ZNF644: variants seen among roughly 807,000 people sequenced by gnomAD.
ZNF644 encodes the protein zinc finger protein 644, also known as zinc finger motif enhancer binding protein 2.
Under a neutral mutation model 108.0 loss-of-function variants are expected in ZNF644, and 20 were observed. That is an observed-to-expected ratio of 0.19 (90% CI 0.13 to 0.27). The LOEUF (loss-of-function observed/expected upper bound fraction) is 0.27, where lower values mean the gene tolerates loss of function less well. Ranked by LOEUF, ZNF644 falls within the 10% of genes least tolerant of loss-of-function variation. ZNF644 has a pLI of 1.00. For synonymous variants in ZNF644, 542 were observed against 539.1 expected (o/e 1.01, Z -0.08); for missense variants, 1,338 against 1,548.9 (o/e 0.86, Z 2.29).
Position 90,916,971 on chromosome 1 carries a change from G to T in ZNF644, c.3811C>A (p.Arg1271=). 5 of 1,614,156 alleles carry T rather than the reference G, an allele frequency of 3.1e-6. No homozygotes were observed. Among genetic ancestry groups the T allele is most frequent in the Non-Finnish European group, 4.2e-6 (5 of 1,180,022 alleles). ...TCTTCCTGAACAGACAAGGGTCCTCGAAAGACTAGGCCACAAAACCTACAG... is the reference window on the plus strand; with the variant it reads ...TCTTCCTGAACAGACAAGGGTCCTCTAAAGACTAGGCCACAAAACCTACAG... ...LRCRFCGLVF[R]GPLSVQEDWI... The change falls in exon 6 of 6, where the codon CGA becomes AGA. Residue 1271 remains arginine, a synonymous_variant. Transcript: ENST00000337393.
chr1:90,951,795 T>C lies in ZNF644; in HGVS notation c.45-10486A>G, dbSNP rs969168258. ...AATACTAAGTTTCACAGGCAAAGAT[T>C]TCTATGTACCTTGCTAACTGAATAC... On this transcript the variant is annotated intron_variant, in intron 2 of 5. Coordinates refer to ENST00000337393, the MANE Select transcript of ZNF644 (RefSeq NM_201269.3). 8.5e-5 allele frequency among the ~76,000 whole-genome samples: 13 copies of C among 152,198 alleles called. 1 individual carries two copies. Among genetic ancestry groups the C allele is most frequent in the Non-Finnish European group, 1.6e-4 (11 of 68,036 alleles).
At chr1:91,000,490 C>T (rs1235645879) in intron 1 of ZNF644, among the ~76,000 whole-genome samples, 2 of 152,008 alleles carry the variant, frequency 1.3e-5, no homozygotes, top group African/African-American at 2.4e-5. Context: ...TTGAAACCAA[C>T]GAGAATAAAG....
In ZNF644 at chr1:90,937,833, T is replaced by C. The variant is rs373439922; in HGVS notation, c.3340A>G (p.Ser1114Gly). ...ACATTTTGAGATATAAAGTCATCAC[T>C]TGATGCAAGTTTTTGAGCTACAAAT... ...RPFVAQKLAS[S>G]DDFISQNVIP... Residue 1114 changes from serine (S) to glycine (G), a missense_variant, in exon 4 of 6, where the codon AGT becomes GGT. Coordinates refer to ENST00000337393, the MANE Select transcript of ZNF644 (RefSeq NM_201269.3). The C allele has an allele frequency of 1.1e-5, 18 of 1,613,920 alleles. No homozygotes were observed. The African/African-American group carries it at 1.9e-4, about 17-fold the overall frequency.
chr1:90,965,316 A>G (rs1654746880), intron 2 of ZNF644, among the ~76,000 whole-genome samples: 1 of 152,130 alleles, frequency 6.6e-6, no homozygotes, highest in Non-Finnish European at 1.5e-5. Context: ...GTAGAGAGCC[A>G]TCTTTTTCCT....
At position 90,938,066 on chromosome 1, in the gene ZNF644, G is replaced by C. The variant is rs761593523; in HGVS notation, c.3107C>G (p.Ser1036Cys). ...ACCACAGAGCTGACAAGTGTGTTCA[G>C]AAGTGGTTTCAGACTTCTCTATAGC... ...RKAIEKSETT[S>C]EHTCQLCGGW... The change falls in exon 4 of 6, where the codon TCT (serine) becomes TGT (cysteine). Residue 1036 changes from serine (S) to cysteine (C), a missense_variant. Physicochemically the swap from Ser to Cys is moderately radical, Grantham distance 112. Coordinates refer to ENST00000337393, the MANE Select transcript of ZNF644 (RefSeq NM_201269.3). The surrounding 1 kb of genome is among the most constrained non-coding windows in gnomAD (Gnocchi z 4.2). 2 of 1,610,824 alleles carry C rather than the reference G, an allele frequency of 1.2e-6. No homozygotes were observed. Among genetic ancestry groups the C allele is most frequent in the Non-Finnish European group, 1.7e-6 (2 of 1,179,782 alleles).
At chr1:90,984,585 G>T (rs539953760) in intron 1 of ZNF644, among the ~76,000 whole-genome samples, 2 of 152,260 alleles carry the variant, frequency 1.3e-5, no homozygotes, top group Admixed American at 6.5e-5. Flanking sequence ...TAGAGACAGG[G>T]TTTCACCATA....
intron 2 of ZNF644, among the ~76,000 whole-genome samples, chr1:90,964,958 T>C (rs1040642496): frequency 6.6e-6 from 1 of 152,076 alleles, no homozygotes; most frequent in Non-Finnish European, 1.5e-5. Context: ...AAGACATAAG[T>C]TGCTTTACAA....
intron 4 of ZNF644, among the ~76,000 whole-genome samples, chr1:90,928,603 G>GT (rs1650354032): frequency 6.6e-6 from 1 of 152,042 alleles, no homozygotes; most frequent in African/African-American, 2.4e-5. Flanking sequence ...GATTACAAGT[G>GT]TGAGCCACCA....
chr1:90,967,947 G>A (rs1359692510), intron 2 of ZNF644, among the ~76,000 whole-genome samples: 1 of 149,948 alleles, frequency 6.7e-6, no homozygotes, highest in Non-Finnish European at 1.5e-5. Context: ...TGTAATCCCT[G>A]CTACTCGGGA....
At chr1:91,006,887 A>T (rs915544458) in intron 1 of ZNF644, among the ~76,000 whole-genome samples, 1 of 151,882 alleles carries the variant, frequency 6.6e-6, no homozygotes, top group African/African-American at 2.4e-5. Flanking sequence ...TATTCTAACA[A>T]CCTCATGTTT....
chr1:90,948,945 A>G (rs2101027080), intron 2 of ZNF644, among the ~76,000 whole-genome samples: 1 of 152,332 alleles, frequency 6.6e-6, no homozygotes, highest in East Asian at 1.9e-4. Flanking sequence ...TGTCATTATA[A>G]AAGTTCCATA....
intron 1 of ZNF644, among the ~76,000 whole-genome samples, chr1:91,010,586 C>T (rs1192986917): frequency 1.3e-5 from 2 of 152,024 alleles, no homozygotes; most frequent in Admixed American, 6.6e-5. Context: ...CCTATACACA[C>T]CACTTCTTCA....
chr1:90,935,969 A>G (rs1651274284), intron 4 of ZNF644, among the ~76,000 whole-genome samples: 2 of 152,232 alleles, frequency 1.3e-5, no homozygotes, highest in Non-Finnish European at 2.9e-5. Context: ...ACAAAACCGT[A>G]AAAGTCTCAA....
In ZNF644 at chr1:90,939,414, T is replaced by A. The variant is rs1651711204; in HGVS notation, c.1940A>T (p.Gln647Leu). Residue 647 changes from glutamine (Q) to leucine (L), a missense_variant, in exon 3 of 6, where the codon CAG (glutamine) becomes CTG (leucine). Gln to Leu is a moderately radical substitution (Grantham distance 113). Coordinates refer to ENST00000337393, the MANE Select transcript of ZNF644 (RefSeq NM_201269.3). ...AGAGTTCTTTGGAAATGTGGTTGAC[T>A]GTTGTTTAGTTAATGTTTTAGTGCT... ...SDSTKTLTKQQSTTFPKNSAL... is the reference protein window; with the variant it reads ...SDSTKTLTKQLSTTFPKNSAL... 6.2e-7 allele frequency: 1 copy of A among 1,613,978 alleles called. No homozygotes were observed. The highest frequency in any genetic ancestry group is 1.6e-4 in the Middle Eastern group (1 of 6,062).
chr1:91,008,190 A>G (rs1659625879), intron 1 of ZNF644, among the ~76,000 whole-genome samples: 1 of 152,168 alleles, frequency 6.6e-6, no homozygotes, highest in African/African-American at 2.4e-5. Flanking sequence ...AACTATGCCT[A>G]CTGTTCTCAA....
chr1:90,984,031 G>C (rs769183967), intron 1 of ZNF644, among the ~76,000 whole-genome samples: 43 of 152,170 alleles, frequency 2.8e-4, no homozygotes, highest in Non-Finnish European at 4.3e-4. Context: ...GCACCCACCA[G>C]TATCAGGGAG....
At chr1:91,018,515 A>G (rs1660618766) in intron 1 of ZNF644, among the ~76,000 whole-genome samples, 1 of 152,234 alleles carries the variant, frequency 6.6e-6, no homozygotes, top group Non-Finnish European at 1.5e-5. Flanking sequence ...CAAGGTTACT[A>G]ATTTAAAACA....
intron 2 of ZNF644, among the ~76,000 whole-genome samples, chr1:90,981,387 A>C (rs1281395762): frequency 1.3e-5 from 2 of 152,202 alleles, no homozygotes; most frequent in East Asian, 1.9e-4. Context: ...TAGCAATAAA[A>C]GCAAAATTTT....
At chr1:90,982,225 A>C in intron 2 of ZNF644, 85 bp downstream of exon 2, 1 of 1,148,742 alleles carries the variant, frequency 8.7e-7, no homozygotes, top group Non-Finnish European at 1.3e-6. Flanking sequence ...TTGGTTCTGA[A>C]CTCAACACCA....
Sources: allele counts gnomAD v4.1 joint callset (sites outside exome capture counted in the v4.1 genomes callset), GRCh38; gene constraint gnomAD v4.1.1; non-coding constraint Gnocchi (gnomAD v3.1); transcripts MANE v1.5; gene names NCBI Gene and HGNC (gene_info 2026-07-23, HGNC 2026-07-21).